Variants in DMD observed in about 807,000 individuals in gnomAD.
DMD encodes the protein mutant dystrophin.
Under a neutral mutation model 330.1 loss-of-function variants are expected in DMD, and 63 were observed. That is an observed-to-expected ratio of 0.19 (90% CI 0.16 to 0.24). The LOEUF (loss-of-function observed/expected upper bound fraction) is 0.24, where lower values mean the gene tolerates loss of function less well. Among genes scored for constraint, DMD ranks in the 10% least tolerant of loss-of-function variants. DMD has a pLI of 1.00. For missense variants in DMD, 3,344 were observed against 2,684.1 expected, an observed-to-expected ratio of 1.25 and a Z score of -5.43; for synonymous variants, 1,223 against 959.8, an observed-to-expected ratio of 1.27 and a Z score of -5.07.
rs955181465 is a variant in DMD at position 32,030,943 on chromosome X, C to T, written c.6439-62429G>A. ...TAATTGCAACATCTGCCCTGTTATT[C>T]ACTGGGCTCTACTCTGTATACTGCT... On this transcript the variant is annotated intron_variant, in intron 44 of 78. Transcript: ENST00000357033. Among the ~76,000 whole-genome samples the T allele has an allele frequency of 2.7e-5, 3 of 111,730 alleles. No individual in the cohort carries two copies. The Admixed American group carries it at 2.9e-4, about 11-fold the overall frequency.
At chrX:33,137,094 T>C (rs1282721292) in intron 1 of DMD, among the ~76,000 whole-genome samples, 2 of 111,164 alleles carry the variant, frequency 1.8e-5, no homozygotes, top group African/African-American at 3.3e-5. Flanking sequence ...TCATCATTTA[T>C]TGGAATTTGT....
At chrX:31,372,163 C>T (rs2059624901) in intron 60 of DMD, among the ~76,000 whole-genome samples, 1 of 111,480 alleles carries the variant, frequency 9.0e-6, no homozygotes, top group African/African-American at 3.3e-5. Context: ...TCTTAGACTA[C>T]CTGATGTCTG....
chrX:32,286,399 G>A (rs2097441545), intron 43 of DMD, among the ~76,000 whole-genome samples: 1 of 112,148 alleles, frequency 8.9e-6, no homozygotes, highest in South Asian at 3.7e-4. Context: ...CATCTGAAGT[G>A]AGACCTGAAG....
At chrX:31,338,271 C>T (rs2148411791) in intron 61 of DMD, among the ~76,000 whole-genome samples, 1 of 98,722 alleles carries the variant, frequency 1.0e-5, no homozygotes, top group South Asian at 5.3e-4. Flanking sequence ...CGAGACCAGC[C>T]TGGCCAACCT....
At chrX:32,448,000 T>C (rs972837041) in intron 27 of DMD, among the ~76,000 whole-genome samples, 5 of 111,122 alleles carry the variant, frequency 4.5e-5, no homozygotes, top group Middle Eastern at 4.6e-3. Context: ...GCACGGCAAT[T>C]ACTAAAGACA....
intron 67 of DMD, among the ~76,000 whole-genome samples, chrX:31,196,971 A>G (rs2042968410): frequency 9.0e-6 from 1 of 111,166 alleles, no homozygotes; most frequent in Non-Finnish European, 1.9e-5. Flanking sequence ...TCTAAAATGC[A>G]ATCCACAGAT....
chrX:31,351,746 C>CAAAAAAAAAAAAAAA (rs1300313892), intron 60 of DMD, among the ~76,000 whole-genome samples: 34 of 71,472 alleles, frequency 4.8e-4, no homozygotes, highest in East Asian at 8.5e-4. Context: ...AAAAAAAAAG[C>CAAAAAAAAAAAAAAA]AAAAAAGGAG....
intron 2 of DMD, among the ~76,000 whole-genome samples, chrX:32,925,203 A>G (rs1365734903): frequency 2.1e-5 from 2 of 93,818 alleles, no homozygotes; most frequent in African/African-American, 8.3e-5. Flanking sequence ...CTCAATCTGA[A>G]AGTTATTTTG....
intron 2 of DMD, among the ~76,000 whole-genome samples, chrX:32,895,597 G>A (rs1460249807): frequency 9.0e-6 from 1 of 111,400 alleles, no homozygotes; most frequent in African/African-American, 3.3e-5. Flanking sequence ...TTGGGCACCA[G>A]CTGGTCAGAC....
chrX:32,044,265 TG>T (rs2096038453), intron 44 of DMD, among the ~76,000 whole-genome samples: 1 of 110,551 alleles, frequency 9.0e-6, no homozygotes, highest in African/African-American at 3.3e-5. Flanking sequence ...TTGTGGCTCA[TG>T]AGAAGTTTAA....
At chrX:32,399,592 G>A (rs952850410) in intron 30 of DMD, among the ~76,000 whole-genome samples, 2 of 111,056 alleles carry the variant, frequency 1.8e-5, no homozygotes, top group African/African-American at 3.3e-5. Context: ...AAATGTTGGC[G>A]AGGATATGGA....
chrX:32,745,908 G>C (rs764238759), intron 7 of DMD, among the ~76,000 whole-genome samples: 2 of 111,717 alleles, frequency 1.8e-5, no homozygotes, highest in African/African-American at 6.5e-5. Context: ...AATGTTTCAG[G>C]AAAAAGACAG....
intron 11 of DMD, among the ~76,000 whole-genome samples, chrX:32,640,842 G>T (rs750775842): frequency 3.6e-5 from 4 of 110,878 alleles, no homozygotes; most frequent in African/African-American, 1.3e-4. Context: ...TGATGGCTTT[G>T]TCTTGCACTT....
chrX:31,554,759 C>T (rs1020940568), intron 55 of DMD, among the ~76,000 whole-genome samples: 4 of 111,362 alleles, frequency 3.6e-5, no homozygotes, highest in African/African-American at 1.3e-4. Context: ...GGTAGGTATA[C>T]GGAAGTACAA....
At chrX:33,074,024 T>G (rs1400378031) in intron 1 of DMD, among the ~76,000 whole-genome samples, 1 of 111,442 alleles carries the variant, frequency 9.0e-6, no homozygotes, top group Non-Finnish European at 1.9e-5. Context: ...CGTACTTCTA[T>G]ATTTGAGTCC....
At chrX:32,979,398 C>G (rs2092642158) in intron 2 of DMD, among the ~76,000 whole-genome samples, 1 of 112,001 alleles carries the variant, frequency 8.9e-6, no homozygotes, top group Non-Finnish European at 1.9e-5. Flanking sequence ...GCCTGATTAT[C>G]TAGGCAATTG....
chrX:31,543,132 G>C (rs1467101277), intron 55 of DMD, among the ~76,000 whole-genome samples: 1 of 99,004 alleles, frequency 1.0e-5, no homozygotes, highest in Non-Finnish European at 2.0e-5. Context: ...ACCCTTGCTG[G>C]CCTGTTTTTT....
chrX:32,176,136 A>C (rs983505057), intron 44 of DMD, among the ~76,000 whole-genome samples: 1 of 112,043 alleles, frequency 8.9e-6, no homozygotes, highest in Admixed American at 9.5e-5. Flanking sequence ...TAGTTTGTCC[A>C]TCAGTTCTTC....
chrX:32,144,846 A>G (rs750558306), intron 44 of DMD, among the ~76,000 whole-genome samples: 1 of 111,196 alleles, frequency 9.0e-6, no homozygotes, highest in African/African-American at 3.3e-5. Flanking sequence ...CAGCCTGGCC[A>G]ACATGGTGAA....
Sources: allele counts gnomAD v4.1 joint callset (sites outside exome capture counted in the v4.1 genomes callset), GRCh38; gene constraint gnomAD v4.1.1; transcripts MANE v1.5; gene names NCBI Gene and HGNC (gene_info 2026-07-23, HGNC 2026-07-21).